The following MYO1E variants were observed in gnomAD, a reference collection of about 807,000 sequenced individuals.
MYO1E encodes the protein myosin IE.
Under a neutral mutation model 151.1 loss-of-function variants are expected in MYO1E, and 68 were observed. The observed-to-expected ratio is 0.45, with a 90% CI of 0.37 to 0.55. The LOEUF (loss-of-function observed/expected upper bound fraction) is 0.55. Among genes scored for constraint, MYO1E ranks in the 20% least tolerant of loss-of-function variants. The pLI, the probability that MYO1E is intolerant of heterozygous loss-of-function variation, is 0.00. For synonymous variants in MYO1E, 601 were observed against 501.7 expected, an observed-to-expected ratio of 1.20 and a Z score of -2.64; for missense variants, 1,363 against 1,389.3, an observed-to-expected ratio of 0.98 and a Z score of 0.30.
Position 59,154,905 on chromosome 15 carries a change from G to A in MYO1E, c.2879-1114C>T, listed in dbSNP as rs201624321. ...TTTATCAGGGTGGAGCTTTCAAGAG[G>A]GTGGCTCCTCATCCAGCCATGTCTC... On this transcript the variant is annotated intron_variant, in intron 25 of 27. Transcript: ENST00000288235. 2.0e-5 allele frequency among the ~76,000 whole-genome samples: 3 copies of A among 152,294 alleles called. No homozygotes were observed. The East Asian group carries it at 5.8e-4, about 29-fold the overall frequency.
chr15:59,286,035 A>G (rs1469083039), intron 1 of MYO1E, among the ~76,000 whole-genome samples: 3 of 152,218 alleles, frequency 2.0e-5, no homozygotes, highest in Non-Finnish European at 4.4e-5. Flanking sequence ...AGCTGTGCAT[A>G]TAAATAAAGA....
At chr15:59,207,253 G>A in intron 14 of MYO1E, 1 of 1,614,202 alleles carries the variant, frequency 6.2e-7, no homozygotes, top group East Asian at 2.2e-5. Context: ...TCTTGATGAA[G>A]ACAAACTGAA....
At chr15:59,365,549 G>A (rs117102846) in intron 1 of MYO1E, among the ~76,000 whole-genome samples, 3,116 of 152,226 alleles carry the variant, frequency 0.02, 33 homozygotes, top group Non-Finnish European at 0.031. Context: ...CTAAAAACTA[G>A]CTATGAGACT....
chr15:59,353,294 C>A (rs1206906180), intron 1 of MYO1E, among the ~76,000 whole-genome samples: 1 of 134,900 alleles, frequency 7.4e-6, no homozygotes, highest in Non-Finnish European at 1.5e-5. Context: ...GAGTTTAAGG[C>A]TGCAGTGAGC....
chr15:59,143,760 G>A (rs2079424744), intron 26 of MYO1E, among the ~76,000 whole-genome samples: 1 of 152,188 alleles, frequency 6.6e-6, no homozygotes, highest in African/African-American at 2.4e-5. Flanking sequence ...CACGCCTAAG[G>A]CTCCTGGCAC....
chr15:59,261,148 G>A (rs1566994997), intron 3 of MYO1E, among the ~76,000 whole-genome samples: 2 of 152,006 alleles, frequency 1.3e-5, no homozygotes, highest in Non-Finnish European at 2.9e-5. Flanking sequence ...GGAAGGCGGA[G>A]GTTGCAGTGA....
intron 23 of MYO1E, among the ~76,000 whole-genome samples, chr15:59,161,527 G>C (rs2079538478): frequency 6.6e-6 from 1 of 152,198 alleles, no homozygotes; most frequent in African/African-American, 2.4e-5. Flanking sequence ...TCTCAGAGGC[G>C]CCTGCTGAGG....
intron 1 of MYO1E, among the ~76,000 whole-genome samples, chr15:59,334,266 C>G (rs1260339118): frequency 2.6e-5 from 4 of 151,978 alleles, no homozygotes; most frequent in African/African-American, 9.7e-5. Flanking sequence ...CCTGGGTAAC[C>G]AAATGAGACC....
chr15:59,159,011 A>T lies in MYO1E; in HGVS notation c.2786-632T>A, dbSNP rs543592492. ...AGAGGAGATCTCTGCAGAGACATCT[A>T]TGTGGGGAAGAAAAACAATAGGGTC... is the stretch of plus-strand genomic sequence containing the variant. On this transcript the variant is annotated intron_variant, in intron 24 of 27. Coordinates refer to ENST00000288235, the MANE Select transcript of MYO1E (RefSeq NM_004998.4). This position sits in a 1 kb window ranked among gnomAD's most constrained non-coding sequence, Gnocchi z 4.4. Among the ~76,000 whole-genome samples the T allele has an allele frequency of 1.4e-4, 22 of 152,330 alleles. No homozygotes were observed. Among genetic ancestry groups the T allele is most frequent in the Non-Finnish European group, 2.4e-4 (16 of 68,030 alleles).
intron 1 of MYO1E, among the ~76,000 whole-genome samples, chr15:59,360,319 C>G (rs1462582696): frequency 6.6e-6 from 1 of 151,866 alleles, no homozygotes; most frequent in Non-Finnish European, 1.5e-5. Flanking sequence ...ATTTTGAGAA[C>G]CATCTTACAG....
At chr15:59,307,003 G>T (rs563770897) in intron 1 of MYO1E, among the ~76,000 whole-genome samples, 3 of 152,208 alleles carry the variant, frequency 2.0e-5, no homozygotes, top group Non-Finnish European at 4.4e-5. Context: ...AAGTGGAACC[G>T]CTGGTCAGAG....
chr15:59,317,686 G>A (rs1236400451), intron 1 of MYO1E, among the ~76,000 whole-genome samples: 1 of 152,218 alleles, frequency 6.6e-6, no homozygotes, highest in East Asian at 1.9e-4. Flanking sequence ...TGTAAGAAAG[G>A]GAGGCAGAAC....
At chr15:59,336,616 T>C (rs995020156) in intron 1 of MYO1E, among the ~76,000 whole-genome samples, 10 of 152,218 alleles carry the variant, frequency 6.6e-5, no homozygotes, top group African/African-American at 1.9e-4. Flanking sequence ...GTTTTTTAAT[T>C]ATACTTTAAG....
chr15:59,245,661 T>C lies in MYO1E; in HGVS notation c.333-8989A>G, dbSNP rs117851515. 3.6e-3 allele frequency among the ~76,000 whole-genome samples: 547 copies of C among 152,318 alleles called. 3 individuals are homozygous for C. The highest frequency in any genetic ancestry group is 6.8e-3 in the Middle Eastern group (2 of 294). On this transcript the variant is annotated intron_variant, in intron 4 of 27. Coordinates refer to ENST00000288235, the MANE Select transcript of MYO1E (RefSeq NM_004998.4). ...CAGCACCAAATGGGATGCTTTCCAATTGACATCATATTTTTTAAACAGCCT... is the reference window on the plus strand; with the variant it reads ...CAGCACCAAATGGGATGCTTTCCAACTGACATCATATTTTTTAAACAGCCT...
At chr15:59,194,586 G>C (rs2079754451) in intron 17 of MYO1E, among the ~76,000 whole-genome samples, 2 of 152,204 alleles carry the variant, frequency 1.3e-5, no homozygotes, top group South Asian at 4.1e-4. Context: ...CTCCAAGAGA[G>C]AAGACAAGAG....
intron 5 of MYO1E, among the ~76,000 whole-genome samples, chr15:59,235,220 T>C (rs751179975): frequency 1.3e-5 from 2 of 152,200 alleles, no homozygotes; most frequent in African/African-American, 2.4e-5. Flanking sequence ...GTTTCTTGAA[T>C]TGGCAAGTGG....
intron 1 of MYO1E, among the ~76,000 whole-genome samples, chr15:59,324,944 T>G (rs1172438924): frequency 1.2e-5 from 1 of 86,850 alleles, no homozygotes; most frequent in African/African-American, 4.2e-5. Flanking sequence ...CTCTAAGGCT[T>G]TTTAGAAAAA....
chr15:59,266,704 C>T (rs1317471526), intron 2 of MYO1E: 1 of 142,882 alleles, frequency 7.0e-6, no homozygotes, highest in Non-Finnish European at 1.5e-5. Flanking sequence ...AGTCTGTCAC[C>T]CGGATGGAGT....
intron 14 of MYO1E, chr15:59,208,137 G>A: frequency 6.8e-7 from 1 of 1,469,648 alleles, no homozygotes. Context: ...ATAGATACAG[G>A]ATTATATAAC....
Sources: allele counts gnomAD v4.1 joint callset (sites outside exome capture counted in the v4.1 genomes callset), GRCh38; gene constraint gnomAD v4.1.1; non-coding constraint Gnocchi (gnomAD v3.1); transcripts MANE v1.5; gene names NCBI Gene and HGNC (gene_info 2026-07-23, HGNC 2026-07-21).